The following SMC2 variants were observed in gnomAD, a reference collection of about 807,000 sequenced individuals.
The protein encoded by SMC2 is structural maintenance of chromosomes protein 2.
A neutral mutation model predicts 142.6 loss-of-function variants in SMC2; 41 were observed. That is an observed-to-expected ratio of 0.29 (90% CI 0.22 to 0.37). SMC2 has a LOEUF of 0.37. SMC2 is among the 10% of genes least tolerant of loss of function. The pLI is 1.00. For synonymous variants in SMC2, 463 were observed against 457.5 expected, an observed-to-expected ratio of 1.01 and a Z score of -0.15; for missense variants, 1,265 against 1,373.7, an observed-to-expected ratio of 0.92 and a Z score of 1.25.
Position 104,102,537 on chromosome 9 carries a change from A to G in SMC2, c.984A>G (p.Glu328=), listed in dbSNP as rs1417258601. Residue 328 remains glutamate, a synonymous_variant, in exon 9 of 25, where the codon GAA becomes GAG. Coordinates refer to ENST00000374793, the MANE Select transcript of SMC2 (RefSeq NM_006444.3). The stretch of plus-strand genomic sequence containing the variant: ...AGAAGAAAAATCTGGCATGTGAGGA[A>G]AGCAAACGCAAAGAGCTGGAAAAAA... ...DLKKKNLACE[E]SKRKELEKNM... 4 of 1,613,744 alleles carry G rather than the reference A, an allele frequency of 2.5e-6. No individual in the cohort carries two copies. In the South Asian group the frequency reaches 4.4e-5, roughly 18 times the overall value.
At position 104,129,771 on chromosome 9, in the gene SMC2, C is replaced by G; in HGVS notation, c.2917C>G (p.Gln973Glu). The G allele has an allele frequency of 6.2e-7, 1 of 1,613,774 alleles. No homozygotes were observed. Among genetic ancestry groups the G allele is most frequent in the Non-Finnish European group, 8.5e-7 (1 of 1,179,862 alleles). ...AGCTGGTCAGAGACTTCAGAAGTTG[C>G]AAGAAATGAAGGAGAAACTAGGAAG... ...KEAGQRLQKL[Q>E]EMKEKLGRNV... Residue 973 changes from glutamine (Q) to glutamate (E), a missense_variant, in exon 21 of 25, where the codon CAA becomes GAA. Transcript: ENST00000374793.
chr9:104,114,485 A>G (rs999938787), intron 12 of SMC2, among the ~76,000 whole-genome samples: 2 of 152,186 alleles, frequency 1.3e-5, no homozygotes, highest in African/African-American at 4.8e-5. Context: ...CTACATTGAA[A>G]CATACTGAAA....
At chr9:104,134,600 T>TAAATATTAC (rs2131559408) in intron 23 of SMC2, 25 bp downstream of exon 23, 1 of 1,469,536 alleles carries the variant, frequency 6.8e-7, no homozygotes, top group Non-Finnish European at 9.2e-7. Context: ...TGCTATATTA[T>TAAATATTAC]AATTTTCATT....
At chr9:104,100,800 C>G (rs1831031409) in intron 7 of SMC2, among the ~76,000 whole-genome samples, 1 of 152,124 alleles carries the variant, frequency 6.6e-6, no homozygotes, top group Non-Finnish European at 1.5e-5. Context: ...ATAACAGGGG[C>G]TATCACTATA....
At chr9:104,118,124 G>A (rs189865949) in intron 14 of SMC2, 47 bp from the exon 15 acceptor site, 9 of 1,439,922 alleles carry the variant, frequency 6.3e-6, no homozygotes, top group Middle Eastern at 1.8e-4. Flanking sequence ...ATATCTGAAA[G>A]GAAAAGTAGT....
chr9:104,135,954 A>AAGGAAAGAAGAGTGTTGGAAACTAAC lies in SMC2; in HGVS notation c.3269+1381_3269+1406dup, dbSNP rs1835488758. 96 of 517,718 alleles carry AAGGAAAGAAGAGTGTTGGAAACTAAC rather than the reference A, an allele frequency of 1.9e-4. 1 individual carries two copies. The highest frequency in any genetic ancestry group is 1.3e-3 in the South Asian group (96 of 71,436). 32.1% of individuals were successfully genotyped at this position (517,718 alleles called of 1,614,324 possible). ...CCAGATGGAACCTTGGATCTACATA[A>AAGGAAAGAAGAGTGTTGGAAACTAAC]AGGAAAGAAGAGTGTTGGAAACTAA... is the stretch of plus-strand genomic sequence containing the variant. On this transcript the variant is annotated intron_variant, in intron 23 of 24. Transcript: ENST00000374793.
chr9:104,088,556 C>T, the SMC2 span, among the ~76,000 whole-genome samples: 1 of 152,104 alleles, frequency 6.6e-6, no homozygotes, highest in South Asian at 2.1e-4. Flanking sequence ...ATTTCAAGTT[C>T]ACCATGTGCA....
At chr9:104,132,540 G>A (rs1032362821) in intron 22 of SMC2, among the ~76,000 whole-genome samples, 2 of 151,994 alleles carry the variant, frequency 1.3e-5, no homozygotes, top group Non-Finnish European at 2.9e-5. Flanking sequence ...TTACTATAGC[G>A]GAAGATTCTT....
intron 7 of SMC2, among the ~76,000 whole-genome samples, chr9:104,100,973 T>C (rs918100542): frequency 6.6e-6 from 1 of 152,224 alleles, no homozygotes; most frequent in Non-Finnish European, 1.5e-5. Flanking sequence ...CTAGTCTCAC[T>C]GTCGCCCAGG....
chr9:104,111,763 A>C lies in SMC2; in HGVS notation c.1203A>C (p.Gln401His). The C allele has an allele frequency of 6.2e-7, 1 of 1,614,036 alleles. No homozygotes were observed. ...GAGCAGAAGCAACTCTTGCTGGTCAAATGATGGCCTGTAAAAATGATATAA... is the reference window on the plus strand; with the variant it reads ...GAGCAGAAGCAACTCTTGCTGGTCACATGATGGCCTGTAAAAATGATATAA... ...EDGAEATLAG[Q>H]MMACKNDISK... is the part of the protein sequence containing the mutation. The change falls in exon 10 of 25, where the codon CAA (glutamine) becomes CAC (histidine). Residue 401 changes from glutamine to histidine, a missense_variant. Around this residue, in one of 4 missense-constraint regions of SMC2, gnomAD observed 898 missense variants for 904.2 expected, o/e 0.99. Coordinates refer to ENST00000374793, the MANE Select transcript of SMC2 (RefSeq NM_006444.3).
intron 7 of SMC2, among the ~76,000 whole-genome samples, chr9:104,101,514 T>C (rs1831118237): frequency 6.6e-6 from 1 of 152,200 alleles, no homozygotes; most frequent in East Asian, 1.9e-4. Flanking sequence ...TATGTATAAA[T>C]TAAGGATTTT....
At chr9:104,100,737 A>G (rs1436080340) in intron 7 of SMC2, among the ~76,000 whole-genome samples, 1 of 152,220 alleles carries the variant, frequency 6.6e-6, no homozygotes, top group East Asian at 1.9e-4. Context: ...CTGGAACAAC[A>G]TTTCTTAAAG....
Position 104,098,526 on chromosome 9 carries a change from T to C in SMC2, c.399T>C (p.Ser133=), listed in dbSNP as rs143439504. The change falls in exon 4 of 25, where the codon TCT becomes TCC. Residue 133 remains serine (S), a synonymous_variant. Coordinates refer to ENST00000374793, the MANE Select transcript of SMC2 (RefSeq NM_006444.3). ...NNTRVQDLFC[S]VGLNVNNPHF... is the part of the protein sequence containing the mutation. Reference sequence around the variant, plus strand: ...CCAGAGTACAGGATCTCTTCTGTTCTGTTGGCCTTAATGTTAACAACCCTC... The same window carrying C: ...CCAGAGTACAGGATCTCTTCTGTTCCGTTGGCCTTAATGTTAACAACCCTC... The C allele has an allele frequency of 1.7e-5, 27 of 1,598,970 alleles. No homozygotes were observed. The African/African-American group carries it at 3.1e-4, about 18-fold the overall frequency.
At chr9:104,131,701 T>C (rs1031730899) in intron 21 of SMC2, among the ~76,000 whole-genome samples, 4 of 149,672 alleles carry the variant, frequency 2.7e-5, no homozygotes, top group African/African-American at 9.9e-5. Context: ...GGAATATTAG[T>C]GGAGTCAAAA....
intron 22 of SMC2, among the ~76,000 whole-genome samples, chr9:104,133,559 A>G (rs1036483955): frequency 5.9e-5 from 9 of 152,146 alleles, no homozygotes; most frequent in African/African-American, 1.9e-4. Context: ...TTGGCTGTCA[A>G]GTCCTTTGTG....
chr9:104,101,324 ATAG>A (rs1831094166), intron 7 of SMC2, among the ~76,000 whole-genome samples: 1 of 152,190 alleles, frequency 6.6e-6, no homozygotes, highest in Non-Finnish European at 1.5e-5. Flanking sequence ...GTGAATCCAT[ATAG>A]TAGTATAAAT....
intron 16 of SMC2, among the ~76,000 whole-genome samples, chr9:104,122,273 T>A (rs886844624): frequency 6.6e-6 from 1 of 152,108 alleles, no homozygotes; most frequent in Non-Finnish European, 1.5e-5. Context: ...AAATAGATTT[T>A]GAAAAAAATG....
intron 3 of SMC2, among the ~76,000 whole-genome samples, chr9:104,096,637 G>C (rs1290065579): frequency 6.6e-6 from 1 of 152,194 alleles, no homozygotes; most frequent in Admixed American, 6.5e-5. Flanking sequence ...TTTTTGGACA[G>C]GTCTTATTAG....
intron 9 of SMC2, among the ~76,000 whole-genome samples, chr9:104,103,216 A>G (rs1283118436): frequency 2.3e-4 from 35 of 152,110 alleles, no homozygotes; most frequent in Admixed American, 2.2e-3. Context: ...GAGGAAAATT[A>G]GGCCAGTAAA....
Sources: allele counts gnomAD v4.1 joint callset (sites outside exome capture counted in the v4.1 genomes callset), GRCh38; gene constraint gnomAD v4.1.1; regional missense constraint gnomAD v4.1.1; transcripts MANE v1.5; gene names NCBI Gene and HGNC (gene_info 2026-07-23, HGNC 2026-07-21).